The following PRKG1 variants were observed in gnomAD, a reference collection of about 807,000 sequenced individuals.
PRKG1 encodes protein kinase cGMP-dependent 1.
PRKG1 carries 35 observed loss-of-function variants against 88.1 expected under a neutral mutation model. That is an observed-to-expected ratio of 0.40 (90% CI 0.30 to 0.53). The LOEUF is 0.53. Among genes scored for constraint, PRKG1 ranks in the 20% least tolerant of loss-of-function variants. PRKG1 has a pLI of 0.59. For missense variants in PRKG1, 540 were observed against 839.8 expected, an observed-to-expected ratio of 0.64 and a Z score of 4.41; for synonymous variants, 303 against 292.5, an observed-to-expected ratio of 1.04 and a Z score of -0.37.
At chr10:51,588,366 T>TAA (rs5784875) in intron 3 of PRKG1, among the ~76,000 whole-genome samples, 2 of 151,982 alleles carry the variant, frequency 1.3e-5, no homozygotes, top group East Asian at 3.9e-4. Flanking sequence ...AATTTAAATA[T>TAA]AAAAAGGCCT....
chr10:51,296,409 AAGTTGC>A (rs1264045394), intron 2 of PRKG1, among the ~76,000 whole-genome samples: 1 of 152,058 alleles, frequency 6.6e-6, no homozygotes, highest in Non-Finnish European at 1.5e-5. Flanking sequence ...CAGCTTCAAT[AAGTTGC>A]ATATTTGTAG....
At chr10:52,189,484 C>A (rs139638292) in intron 9 of PRKG1, among the ~76,000 whole-genome samples, 1 of 152,286 alleles carries the variant, frequency 6.6e-6, no homozygotes, top group Non-Finnish European at 1.5e-5. Flanking sequence ...AGCTCTGCCC[C>A]CTGTCAGATC....
chr10:52,106,020 C>T (rs1219968994), intron 7 of PRKG1, among the ~76,000 whole-genome samples: 1 of 152,106 alleles, frequency 6.6e-6, no homozygotes, highest in African/African-American at 2.4e-5. Flanking sequence ...CCTTCTTATG[C>T]CTTTGCATCC....
intron 1 of PRKG1, among the ~76,000 whole-genome samples, chr10:51,081,689 G>A (rs1229333188): frequency 6.6e-6 from 1 of 152,170 alleles, no homozygotes; most frequent in Non-Finnish European, 1.5e-5. Context: ...AACATTTATG[G>A]AGCACTAACT....
At chr10:51,582,429 G>A (rs1441200466) in intron 3 of PRKG1, among the ~76,000 whole-genome samples, 1 of 152,070 alleles carries the variant, frequency 6.6e-6, no homozygotes, top group African/African-American at 2.4e-5. Context: ...CATCACCTAG[G>A]TATTAAGCCC....
chr10:52,049,416 T>C (rs1471049098), intron 5 of PRKG1, among the ~76,000 whole-genome samples: 1 of 152,010 alleles, frequency 6.6e-6, no homozygotes, highest in Non-Finnish European at 1.5e-5. Context: ...GGGGAAAGGA[T>C]GGAGAAGTGA....
At chr10:52,148,165 T>C (rs1450883537) in intron 8 of PRKG1, among the ~76,000 whole-genome samples, 3 of 152,230 alleles carry the variant, frequency 2.0e-5, no homozygotes, top group Non-Finnish European at 4.4e-5. Context: ...ATGTAACCTC[T>C]CTTAGCCTTG....
intron 4 of PRKG1, among the ~76,000 whole-genome samples, chr10:51,813,994 T>A (rs1052166309): frequency 1.3e-5 from 2 of 152,186 alleles, no homozygotes; most frequent in Admixed American, 1.3e-4. Flanking sequence ...ACCCACCACC[T>A]GTACATAAGC....
intron 4 of PRKG1, among the ~76,000 whole-genome samples, chr10:51,856,878 G>A (rs1162978559): frequency 6.6e-6 from 1 of 151,502 alleles, no homozygotes; most frequent in East Asian, 1.9e-4. Context: ...GCAGGAGAAT[G>A]GAGTGAACCT....
intron 3 of PRKG1, among the ~76,000 whole-genome samples, chr10:51,516,586 T>C (rs1046688474): frequency 1.3e-5 from 2 of 152,120 alleles, no homozygotes; most frequent in Admixed American, 1.3e-4. Context: ...CTCCTGTCGC[T>C]ATCACAGTGA....
At chr10:51,274,612 G>T (rs1186086306) in intron 2 of PRKG1, among the ~76,000 whole-genome samples, 1 of 152,192 alleles carries the variant, frequency 6.6e-6, no homozygotes, top group Non-Finnish European at 1.5e-5. Flanking sequence ...CAACACTATA[G>T]AAAGTTATTG....
chr10:51,204,648 G>A (rs1838001221), intron 2 of PRKG1, among the ~76,000 whole-genome samples: 1 of 152,074 alleles, frequency 6.6e-6, no homozygotes, highest in South Asian at 2.1e-4. Context: ...AAATTGCCAG[G>A]TGAGTCCAGA....
At chr10:52,272,117 C>G (rs531848961) in intron 11 of PRKG1, among the ~76,000 whole-genome samples, 1 of 152,154 alleles carries the variant, frequency 6.6e-6, no homozygotes, top group East Asian at 1.9e-4. Context: ...AAACATTACC[C>G]AAATTGGAAT....
intron 9 of PRKG1, among the ~76,000 whole-genome samples, chr10:52,169,897 C>T (rs1184107622): frequency 6.6e-6 from 1 of 152,062 alleles, no homozygotes; most frequent in Admixed American, 6.6e-5. Flanking sequence ...AAGTGGTTCT[C>T]AGGTCCTTTT....
chr10:51,934,541 A>G (rs1338315004), intron 5 of PRKG1, among the ~76,000 whole-genome samples: 2 of 152,156 alleles, frequency 1.3e-5, no homozygotes, highest in Non-Finnish European at 2.9e-5. Context: ...CTCACATTAC[A>G]TGTTCAGTGT....
At chr10:52,055,637 C>G (rs540975043) in intron 6 of PRKG1, among the ~76,000 whole-genome samples, 1 of 151,976 alleles carries the variant, frequency 6.6e-6, no homozygotes, top group Admixed American at 6.6e-5. Flanking sequence ...TATATGATAA[C>G]CTATGATTTA....
intron 3 of PRKG1, among the ~76,000 whole-genome samples, chr10:51,760,702 C>T (rs1057222351): frequency 1.3e-5 from 2 of 152,020 alleles, no homozygotes; most frequent in East Asian, 2.0e-4. Context: ...GAACTCTTGA[C>T]CTCAGGTGAT....
At chr10:51,202,086 T>A (rs1472191026) in intron 2 of PRKG1, among the ~76,000 whole-genome samples, 1 of 152,188 alleles carries the variant, frequency 6.6e-6, no homozygotes, top group Non-Finnish European at 1.5e-5. Context: ...CTGGACCTTC[T>A]CTACTAGGTG....
chr10:51,027,586 T>A (rs1187862037), intron 1 of PRKG1, among the ~76,000 whole-genome samples: 2 of 152,234 alleles, frequency 1.3e-5, no homozygotes, highest in Non-Finnish European at 2.9e-5. Flanking sequence ...AATGATCACA[T>A]TGAGAACATT....
Sources: allele counts gnomAD v4.1 joint callset (sites outside exome capture counted in the v4.1 genomes callset), GRCh38; gene constraint gnomAD v4.1.1; transcripts MANE v1.5; gene names NCBI Gene and HGNC (gene_info 2026-07-23, HGNC 2026-07-21).